The following CSMD1 variants were observed in gnomAD, a reference collection of about 807,000 sequenced individuals.
CSMD1 encodes CUB and Sushi multiple domains 1.
A neutral mutation model predicts 417.5 loss-of-function variants in CSMD1; 213 were observed. The observed-to-expected ratio is 0.51, with a 90% CI of 0.46 to 0.57. The LOEUF is 0.57. Ranked by LOEUF, CSMD1 falls within the 20% of genes least tolerant of loss-of-function variation. The pLI is 0.00. For missense variants in CSMD1, 6,923 were observed against 4,529.7 expected, an observed-to-expected ratio of 1.53 and a Z score of -15.17; for synonymous variants, 2,862 against 1,736.8, an observed-to-expected ratio of 1.65 and a Z score of -16.11.
chr8:4,274,651 T>C (rs1227706624), intron 3 of CSMD1, among the ~76,000 whole-genome samples: 1 of 152,152 alleles, frequency 6.6e-6, no homozygotes, highest in Non-Finnish European at 1.5e-5. Flanking sequence ...TAGGTCTCCA[T>C]TAAATTTACT....
chr8:3,241,502 C>A (rs1799518942), intron 26 of CSMD1, among the ~76,000 whole-genome samples: 1 of 152,146 alleles, frequency 6.6e-6, no homozygotes, highest in Non-Finnish European at 1.5e-5. Context: ...CCGAGAAGAT[C>A]TGGGAAGGAG....
chr8:3,343,334 A>T lies in CSMD1; in HGVS notation c.3591T>A (p.Asn1197Lys), dbSNP rs760993373. 1.2e-5 allele frequency: 19 copies of T among 1,613,824 alleles called. No individual in the cohort carries two copies. In the South Asian group the frequency reaches 2.1e-4, roughly 18 times the overall value. Residue 1197 changes from asparagine to lysine, a missense_variant, in exon 23 of 70, where the codon AAT becomes AAA. Asn to Lys is a moderately conservative substitution (Grantham distance 94). Transcript: ENST00000635120. ...SNHLWLEFNT[N>K]GSDTDQGFQL... Reference sequence around the variant, plus strand: ...GAAAACCTTGGTCGGTGTCAGATCCATTGGTGTTGAACTCTAGCCACAGGT... The same window carrying T: ...GAAAACCTTGGTCGGTGTCAGATCCTTTGGTGTTGAACTCTAGCCACAGGT...
chr8:2,979,282 T>G lies in CSMD1; in HGVS notation c.8378-482A>C, dbSNP rs192043576. On this transcript the variant is annotated intron_variant, in intron 54 of 69. Coordinates refer to ENST00000635120, the MANE Select transcript of CSMD1 (RefSeq NM_033225.6). ...AATTTTGCTCTATGTAGAACGCAACTAAAAATGACAATTATTCCATCAACA... is the reference window on the plus strand; with the variant it reads ...AATTTTGCTCTATGTAGAACGCAACGAAAAATGACAATTATTCCATCAACA... Among the ~76,000 whole-genome samples, 36 of 152,350 alleles carry G rather than the reference T, an allele frequency of 2.4e-4. No individual in the cohort carries two copies. In the East Asian group the frequency reaches 6.2e-3, roughly 26 times the overall value.
At chr8:4,163,182 C>A (rs1360298903) in intron 3 of CSMD1, among the ~76,000 whole-genome samples, 1 of 152,128 alleles carries the variant, frequency 6.6e-6, no homozygotes, top group Non-Finnish European at 1.5e-5. Flanking sequence ...AAGAATAAAC[C>A]TTCTAAAAAC....
At chr8:4,598,804 G>A (rs959165009) in intron 2 of CSMD1, among the ~76,000 whole-genome samples, 2 of 151,912 alleles carry the variant, frequency 1.3e-5, no homozygotes, top group Non-Finnish European at 2.9e-5. Context: ...AATAGGTTGA[G>A]TATTAAATAG....
chr8:4,597,134 G>A (rs530332009), intron 2 of CSMD1, among the ~76,000 whole-genome samples: 1 of 151,770 alleles, frequency 6.6e-6, no homozygotes, highest in African/African-American at 2.4e-5. Flanking sequence ...AGCATTTGCA[G>A]CTAACAAAAG....
intron 3 of CSMD1, among the ~76,000 whole-genome samples, chr8:4,226,484 C>T (rs1167009864): frequency 1.3e-5 from 2 of 152,132 alleles, no homozygotes; most frequent in Non-Finnish European, 2.9e-5. Context: ...AGAAATTTTA[C>T]AGGACTTTGC....
At chr8:3,038,931 G>A (rs1470317479) in intron 50 of CSMD1, among the ~76,000 whole-genome samples, 1 of 152,158 alleles carries the variant, frequency 6.6e-6, no homozygotes, top group Non-Finnish European at 1.5e-5. Context: ...CCAGCAGTTG[G>A]CATCTGAGCT....
At chr8:4,373,228 T>C (rs78777490) in intron 3 of CSMD1, among the ~76,000 whole-genome samples, 5,595 of 152,168 alleles carry the variant, frequency 0.037, 334 homozygotes, top group African/African-American at 0.13. Context: ...TCTGAGAAAC[T>C]ACCCCAGCCA....
intron 3 of CSMD1, among the ~76,000 whole-genome samples, chr8:4,192,430 T>C (rs534169841): frequency 5.9e-5 from 9 of 152,230 alleles, no homozygotes; most frequent in African/African-American, 2.2e-4. Context: ...ACCATCAGAA[T>C]TATACCTTCC....
chr8:4,381,727 G>C (rs963460979), intron 3 of CSMD1, among the ~76,000 whole-genome samples: 1 of 152,082 alleles, frequency 6.6e-6, no homozygotes, highest in Non-Finnish European at 1.5e-5. Context: ...GCCGTGGATG[G>C]ACTTTAGGCT....
At chr8:4,310,710 A>C (rs2128878533) in intron 3 of CSMD1, among the ~76,000 whole-genome samples, 1 of 152,292 alleles carries the variant, frequency 6.6e-6, no homozygotes, top group African/African-American at 2.4e-5. Flanking sequence ...CCTGCAAGAC[A>C]CGCAAGCATT....
intron 2 of CSMD1, among the ~76,000 whole-genome samples, chr8:4,489,445 A>G (rs1014581615): frequency 6.6e-6 from 1 of 152,198 alleles, no homozygotes; most frequent in African/African-American, 2.4e-5. Flanking sequence ...TTATATGTTC[A>G]AAAACTATAA....
intron 3 of CSMD1, among the ~76,000 whole-genome samples, chr8:4,107,453 G>T (rs1025085379): frequency 2.2e-4 from 34 of 152,310 alleles, no homozygotes; most frequent in African/African-American, 8.2e-4. Context: ...TTTGTTTAAA[G>T]CACTGGATAA....
At chr8:3,679,292 C>G in intron 7 of CSMD1, among the ~76,000 whole-genome samples, 1 of 152,138 alleles carries the variant, frequency 6.6e-6, no homozygotes, top group Non-Finnish European at 1.5e-5. Flanking sequence ...GGAAACCCAT[C>G]TCATGTGCAG....
intron 1 of CSMD1, among the ~76,000 whole-genome samples, chr8:4,792,495 C>A (rs915511825): frequency 6.6e-6 from 1 of 152,132 alleles, no homozygotes; most frequent in Non-Finnish European, 1.5e-5. Flanking sequence ...ATTCCCGTTC[C>A]CTGGGCAGTT....
chr8:3,191,550 G>A (rs1350154857), intron 33 of CSMD1, among the ~76,000 whole-genome samples: 1 of 152,140 alleles, frequency 6.6e-6, no homozygotes, highest in Non-Finnish European at 1.5e-5. Flanking sequence ...CATTGTTGCA[G>A]CAAGCAAAAA....
chr8:4,732,420 G>C (rs1809960657), intron 1 of CSMD1, among the ~76,000 whole-genome samples: 1 of 151,066 alleles, frequency 6.6e-6, no homozygotes, highest in South Asian at 2.1e-4. Flanking sequence ...TGGACATGCA[G>C]AATCCAAGCA....
chr8:3,406,061 G>C lies in CSMD1; in HGVS notation c.2232C>G (p.Asn744Lys). Residue 744 changes from asparagine to lysine, a missense_variant, in exon 15 of 70, where the codon AAC becomes AAG. Physicochemically the swap from Asn to Lys is moderately conservative, Grantham distance 94. Transcript: ENST00000635120. ...ESITCILQDG[N>K]VVWSSTVPRC... ...GGGGCACGGTGGAGCTCCAGACCAC[G>C]TTCCCGTCTTGCAGTATGCAGGTAA... 1 of 1,613,944 alleles carries C rather than the reference G, an allele frequency of 6.2e-7. No homozygotes were observed. The highest frequency in any genetic ancestry group is 8.5e-7 in the Non-Finnish European group (1 of 1,179,878).
Sources: allele counts gnomAD v4.1 joint callset (sites outside exome capture counted in the v4.1 genomes callset), GRCh38; gene constraint gnomAD v4.1.1; transcripts MANE v1.5; gene names NCBI Gene and HGNC (gene_info 2026-07-23, HGNC 2026-07-21).